The following CTNNA2 variants were observed in gnomAD, a reference collection of about 807,000 sequenced individuals.
CTNNA2 encodes the protein catenin alpha-2.
CTNNA2 carries 42 observed loss-of-function variants against 101.0 expected under a neutral mutation model. That is an observed-to-expected ratio of 0.42 (90% CI 0.32 to 0.54). The LOEUF (loss-of-function observed/expected upper bound fraction) is 0.54. Ranked by LOEUF, CTNNA2 falls within the 20% of genes least tolerant of loss-of-function variation. The pLI is 0.14. For missense variants in CTNNA2, 871 were observed against 1,223.1 expected, an observed-to-expected ratio of 0.71 and a Z score of 4.29; for synonymous variants, 450 against 456.4, an observed-to-expected ratio of 0.99 and a Z score of 0.18.
At chr2:80,515,580 T>A (rs2149561672) in intron 9 of CTNNA2, among the ~76,000 whole-genome samples, 1 of 152,364 alleles carries the variant, frequency 6.6e-6, no homozygotes, top group African/African-American at 2.4e-5. Context: ...CATTGGGATC[T>A]TATTCTCTTG....
In CTNNA2 at chr2:79,620,174, G is replaced by T. The variant is rs115791984; in HGVS notation, c.-5-31378G>T. On this transcript the variant is annotated intron_variant, in intron 1 of 18. Transcript: ENST00000402739. Reference sequence around the variant, plus strand: ...TCTTTAGTTGCTGCCCATCACCCAAGAATAATTTCTAAACTTCTGATCACA... The same window carrying T: ...TCTTTAGTTGCTGCCCATCACCCAATAATAATTTCTAAACTTCTGATCACA... 7.5e-3 allele frequency among the ~76,000 whole-genome samples: 1,143 copies of T among 152,230 alleles called. 12 individuals carry two copies. The highest frequency in any genetic ancestry group is 0.026 in the African/African-American group (1,091 of 41,530).
chr2:79,519,263 A>G (rs1378759561), intron 1 of CTNNA2, among the ~76,000 whole-genome samples: 1 of 151,862 alleles, frequency 6.6e-6, no homozygotes, highest in South Asian at 2.1e-4. Context: ...TTGGGGAAAA[A>G]TAAATCTGTG....
chr2:80,240,450 A>G (rs1467362326), intron 7 of CTNNA2, among the ~76,000 whole-genome samples: 1 of 152,166 alleles, frequency 6.6e-6, no homozygotes, highest in Non-Finnish European at 1.5e-5. Flanking sequence ...CTCCACAGAT[A>G]TGTGCACCGT....
intron 2 of CTNNA2, among the ~76,000 whole-genome samples, chr2:79,214,125 G>C (rs1674214619): frequency 6.6e-6 from 1 of 152,166 alleles, no homozygotes; most frequent in Non-Finnish European, 1.5e-5. Flanking sequence ...GAGAGCACAT[G>C]TGTTTTTACG....
chr2:79,567,985 C>T (rs1675220011), intron 1 of CTNNA2, among the ~76,000 whole-genome samples: 1 of 152,188 alleles, frequency 6.6e-6, no homozygotes, highest in Admixed American at 6.5e-5. Context: ...ACATTGAAGA[C>T]CTTGACCACA....
At chr2:80,119,365 G>A (rs1481095402) in intron 7 of CTNNA2, among the ~76,000 whole-genome samples, 1 of 152,192 alleles carries the variant, frequency 6.6e-6, no homozygotes, top group African/African-American at 2.4e-5. Context: ...CAGAGGGACA[G>A]GGATTGGGGA....
At chr2:80,238,111 C>T (rs1251127387) in intron 7 of CTNNA2, among the ~76,000 whole-genome samples, 1 of 152,144 alleles carries the variant, frequency 6.6e-6, no homozygotes, top group East Asian at 1.9e-4. Flanking sequence ...CCTCCCCTGG[C>T]TCCAGCACTG....
chr2:80,404,752 T>C (rs1428833788), intron 8 of CTNNA2, among the ~76,000 whole-genome samples: 2 of 152,184 alleles, frequency 1.3e-5, no homozygotes, highest in Non-Finnish European at 2.9e-5. Context: ...TGCCTTTTGT[T>C]TACCTCAGCT....
intron 15 of CTNNA2, among the ~76,000 whole-genome samples, chr2:80,596,288 T>G (rs1391447530): frequency 5.9e-5 from 2 of 33,748 alleles, no homozygotes; most frequent in African/African-American, 1.6e-4. Context: ...TGTTTTTTTT[T>G]TTTTTTTTTT....
At chr2:79,191,675 G>A (rs537866236) in intron 1 of CTNNA2, among the ~76,000 whole-genome samples, 3 of 152,298 alleles carry the variant, frequency 2.0e-5, no homozygotes, top group African/African-American at 7.2e-5. Context: ...ACCGAAAGTA[G>A]AAACTTTGAG....
At chr2:79,433,051 C>T (rs1014518428) in intron 4 of CTNNA2, among the ~76,000 whole-genome samples, 1 of 152,174 alleles carries the variant, frequency 6.6e-6, no homozygotes, top group African/African-American at 2.4e-5. Context: ...GAAGCCGATG[C>T]CAGCATGTGG....
chr2:79,737,257 G>T (rs1670955178), intron 2 of CTNNA2, among the ~76,000 whole-genome samples: 1 of 151,780 alleles, frequency 6.6e-6, no homozygotes, highest in South Asian at 2.1e-4. Flanking sequence ...GCTGAGGCAG[G>T]AGAATAGCTT....
intron 2 of CTNNA2, among the ~76,000 whole-genome samples, chr2:79,301,952 G>T (rs1174570012): frequency 1.3e-5 from 2 of 151,978 alleles, no homozygotes; most frequent in Admixed American, 6.6e-5. Context: ...AATTAGCTGG[G>T]TGTGGTGGCG....
chr2:80,510,995 C>G (rs1402886609), intron 9 of CTNNA2, among the ~76,000 whole-genome samples: 2 of 152,148 alleles, frequency 1.3e-5, no homozygotes, highest in Non-Finnish European at 2.9e-5. Flanking sequence ...GGTACTTGCA[C>G]TTTAATATCA....
intron 9 of CTNNA2, among the ~76,000 whole-genome samples, chr2:80,480,231 G>T (rs1304733792): frequency 6.6e-6 from 1 of 152,004 alleles, no homozygotes; most frequent in Non-Finnish European, 1.5e-5. Context: ...ACATGGAATT[G>T]GACAAAGAGC....
chr2:80,446,677 C>G (rs932553746), intron 9 of CTNNA2, among the ~76,000 whole-genome samples: 1 of 152,110 alleles, frequency 6.6e-6, no homozygotes, highest in Non-Finnish European at 1.5e-5. Context: ...GTCACCCAGA[C>G]TTAAAACCCT....
chr2:80,452,262 A>G (rs1277435311), intron 9 of CTNNA2, among the ~76,000 whole-genome samples: 1 of 151,668 alleles, frequency 6.6e-6, no homozygotes, highest in Non-Finnish European at 1.5e-5. Flanking sequence ...GTTGTGATAT[A>G]CTGTGGATCT....
At chr2:80,089,638 G>A (rs974209668) in intron 7 of CTNNA2, among the ~76,000 whole-genome samples, 45 of 152,052 alleles carry the variant, frequency 3.0e-4, no homozygotes, top group African/African-American at 9.9e-4. Context: ...CTAGCGGTGA[G>A]CTTGACCTGT....
chr2:79,346,103 A>G (rs1677258446), intron 3 of CTNNA2, among the ~76,000 whole-genome samples: 1 of 152,174 alleles, frequency 6.6e-6, no homozygotes, highest in Non-Finnish European at 1.5e-5. Flanking sequence ...AAAGTTGGTC[A>G]GACTATCAGA....
Sources: allele counts gnomAD v4.1 joint callset (sites outside exome capture counted in the v4.1 genomes callset), GRCh38; gene constraint gnomAD v4.1.1; transcripts MANE v1.5; gene names NCBI Gene and HGNC (gene_info 2026-07-23, HGNC 2026-07-21).